Variants in GRM7 observed in about 807,000 individuals in gnomAD.
GRM7 encodes glutamate metabotropic receptor 7.
Under a neutral mutation model 84.5 loss-of-function variants are expected in GRM7, and 35 were observed. That is an observed-to-expected ratio of 0.41 (90% CI 0.32 to 0.55). GRM7 has a LOEUF of 0.55. Ranked by LOEUF, GRM7 falls within the 20% of genes least tolerant of loss-of-function variation. The pLI, the probability that GRM7 is intolerant of heterozygous loss-of-function variation, is 0.19. For synonymous variants in GRM7, 487 were observed against 455.1 expected, an observed-to-expected ratio of 1.07 and a Z score of -0.89; for missense variants, 1,003 against 1,194.6, an observed-to-expected ratio of 0.84 and a Z score of 2.36.
intron 1 of GRM7, among the ~76,000 whole-genome samples, chr3:7,040,046 C>T (rs1696537680): frequency 6.6e-6 from 1 of 152,106 alleles, no homozygotes; most frequent in African/African-American, 2.4e-5. Flanking sequence ...TAGGTTATAC[C>T]ATAACCCATA....
intron 7 of GRM7, among the ~76,000 whole-genome samples, chr3:7,511,678 A>G (rs962797298): frequency 6.6e-6 from 1 of 152,246 alleles, no homozygotes; most frequent in Non-Finnish European, 1.5e-5. Flanking sequence ...TTTCAAAACT[A>G]TGGTAAACTA....
At chr3:7,170,363 TA>T (rs1283512508) in intron 2 of GRM7, among the ~76,000 whole-genome samples, 1 of 152,072 alleles carries the variant, frequency 6.6e-6, no homozygotes, top group Non-Finnish European at 1.5e-5. Flanking sequence ...AAGACTTGAG[TA>T]AGGCGTACTT....
At chr3:7,347,904 T>C (rs1244777287) in intron 4 of GRM7, among the ~76,000 whole-genome samples, 1 of 152,194 alleles carries the variant, frequency 6.6e-6, no homozygotes, top group Non-Finnish European at 1.5e-5. Flanking sequence ...TTCTGATCTT[T>C]TATCTAATAG....
intron 8 of GRM7, among the ~76,000 whole-genome samples, chr3:7,650,505 G>GT (rs1698881556): frequency 6.6e-6 from 1 of 152,118 alleles, no homozygotes; most frequent in Non-Finnish European, 1.5e-5. Context: ...GGTTCAAAAG[G>GT]TAAAAAAAGT....
chr3:6,945,135 A>C (rs1280092929), intron 1 of GRM7, among the ~76,000 whole-genome samples: 1 of 151,940 alleles, frequency 6.6e-6, no homozygotes, highest in African/African-American at 2.4e-5. Context: ...ATATGTATAC[A>C]TGTGCCATGT....
chr3:7,306,419 C>A, intron 3 of GRM7, 79 bp from the exon 4 acceptor site: 5 of 1,266,092 alleles, frequency 3.9e-6, no homozygotes, highest in Non-Finnish European at 4.6e-6. Context: ...AGTACCTTTC[C>A]TTTTGCTGAC....
At chr3:7,306,729 A>G (rs186697668) in intron 4 of GRM7, 77 bp downstream of exon 4, 2 of 1,311,830 alleles carry the variant, frequency 1.5e-6, no homozygotes, top group African/African-American at 3.0e-5. Context: ...GTGACTTTTT[A>G]GGGGTTTGGC....
At chr3:7,194,553 C>T (rs1695819496) in intron 2 of GRM7, among the ~76,000 whole-genome samples, 1 of 152,094 alleles carries the variant, frequency 6.6e-6, no homozygotes, top group Non-Finnish European at 1.5e-5. Context: ...ATTAGAGAGG[C>T]CTTTCTCACG....
chr3:7,039,242 T>C (rs982951416), intron 1 of GRM7, among the ~76,000 whole-genome samples: 1 of 152,248 alleles, frequency 6.6e-6, no homozygotes, highest in Non-Finnish European at 1.5e-5. Flanking sequence ...ATAAGTTGTC[T>C]AGAAAAACTT....
intron 4 of GRM7, among the ~76,000 whole-genome samples, chr3:7,413,487 A>C (rs894889484): frequency 6.6e-6 from 1 of 152,230 alleles, no homozygotes; most frequent in Admixed American, 6.5e-5. Context: ...AGTCAGCAAG[A>C]AGTAACTAAA....
chr3:7,684,091 T>A (rs1429876267), intron 9 of GRM7, among the ~76,000 whole-genome samples: 1 of 152,122 alleles, frequency 6.6e-6, no homozygotes, highest in African/African-American at 2.4e-5. Flanking sequence ...TGCATGTATA[T>A]AGGAAAAGAA....
At position 7,420,831 on chromosome 3, in the gene GRM7, G is replaced by A. The variant is rs567084925; in HGVS notation, c.1174+5668G>A. Among the ~76,000 whole-genome samples the A allele has an allele frequency of 6.6e-5, 10 of 152,194 alleles. No individual in the cohort carries two copies. In the East Asian group the frequency reaches 1.7e-3, roughly 26 times the overall value. On this transcript the variant is annotated intron_variant, in intron 5 of 9. Transcript: ENST00000357716. The stretch of plus-strand genomic sequence containing the variant: ...TATATAACTTTGAGGATTTAGTAAG[G>A]CATTCTCTAGCAACTGTTTGGGTAA...
intron 5 of GRM7, among the ~76,000 whole-genome samples, chr3:7,420,641 T>C (rs1696355489): frequency 6.6e-6 from 1 of 152,162 alleles, no homozygotes; most frequent in African/African-American, 2.4e-5. Flanking sequence ...GACATCTCTC[T>C]TGCTTCCATC....
chr3:7,158,797 C>T (rs965958406), intron 2 of GRM7, among the ~76,000 whole-genome samples: 2 of 152,162 alleles, frequency 1.3e-5, no homozygotes, highest in African/African-American at 2.4e-5. Context: ...ATAAATCTCA[C>T]CTCTCTAGAG....
intron 8 of GRM7, among the ~76,000 whole-genome samples, chr3:7,602,491 TA>T (rs1364314864): frequency 1.3e-5 from 2 of 152,162 alleles, no homozygotes; most frequent in South Asian, 4.1e-4. Flanking sequence ...TACAGATGCA[TA>T]TGCCTACCAC....
At chr3:7,737,021 T>C (rs1006655732) in intron 9 of GRM7, among the ~76,000 whole-genome samples, 1 of 152,186 alleles carries the variant, frequency 6.6e-6, no homozygotes, top group East Asian at 1.9e-4. Flanking sequence ...TCTATGAGGC[T>C]CTCTTTTCTA....
At chr3:7,686,818 G>A (rs1345755661) in intron 9 of GRM7, among the ~76,000 whole-genome samples, 1 of 152,142 alleles carries the variant, frequency 6.6e-6, no homozygotes, top group African/African-American at 2.4e-5. Context: ...AGGCAGTGTG[G>A]AAAACCTACA....
intron 7 of GRM7, among the ~76,000 whole-genome samples, chr3:7,555,404 T>G (rs1465274740): frequency 6.6e-6 from 1 of 152,186 alleles, no homozygotes; most frequent in Non-Finnish European, 1.5e-5. Context: ...CCCCTAACTT[T>G]CTGGTTTAGG....
At chr3:7,342,134 C>T (rs1404830165) in intron 4 of GRM7, among the ~76,000 whole-genome samples, 5 of 152,144 alleles carry the variant, frequency 3.3e-5, no homozygotes, top group African/African-American at 1.2e-4. Context: ...CTGTGCCTCA[C>T]TTTCTTGAGG....
Sources: allele counts gnomAD v4.1 joint callset (sites outside exome capture counted in the v4.1 genomes callset), GRCh38; gene constraint gnomAD v4.1.1; transcripts MANE v1.5; gene names NCBI Gene and HGNC (gene_info 2026-07-23, HGNC 2026-07-21).